Variants in GPHN observed in about 807,000 individuals in gnomAD.
GPHN encodes gephyrin.
A neutral mutation model predicts 95.5 loss-of-function variants in GPHN; 17 were observed. That is an observed-to-expected ratio of 0.18 (90% CI 0.12 to 0.27). GPHN has a LOEUF of 0.27. Ranked by LOEUF, GPHN falls within the 10% of genes least tolerant of loss-of-function variation. The pLI is 1.00. For missense variants in GPHN, 660 were observed against 978.1 expected (o/e 0.67, Z 4.34); for synonymous variants, 320 against 322.5 (o/e 0.99, Z 0.08).
At chr14:67,443,753 A>G in the GPHN span, among the ~76,000 whole-genome samples, 1 of 152,228 alleles carries the variant, frequency 6.6e-6, no homozygotes, top group Non-Finnish European at 1.5e-5. Context: ...TGGGCAACAT[A>G]GTGAGATAAC....
the GPHN span, among the ~76,000 whole-genome samples, chr14:67,187,314 C>T: frequency 6.6e-6 from 1 of 152,292 alleles, no homozygotes; most frequent in East Asian, 1.9e-4. Flanking sequence ...ACACTTGTTC[C>T]TCTGCCTGTA....
intron 9 of GPHN, among the ~76,000 whole-genome samples, chr14:66,992,324 A>G (rs2071488877): frequency 6.6e-6 from 1 of 152,178 alleles, no homozygotes; most frequent in South Asian, 2.1e-4. Flanking sequence ...ACAATTATCT[A>G]TAAGTACTTA....
At chr14:66,969,138 C>T (rs569362345) in intron 9 of GPHN, 1 of 151,980 alleles carries the variant, frequency 6.6e-6, no homozygotes, top group South Asian at 2.1e-4. Flanking sequence ...GAAATTATAT[C>T]GTATATAGGG....
At chr14:66,860,595 T>G (rs1317291914) in intron 4 of GPHN, among the ~76,000 whole-genome samples, 2 of 151,828 alleles carry the variant, frequency 1.3e-5, no homozygotes, top group African/African-American at 4.8e-5. Context: ...AACAGAATAT[T>G]TTAAGACTGT....
At chr14:67,649,513 T>C in the GPHN span, 4 of 152,104 alleles carry the variant, frequency 2.6e-5, no homozygotes, top group African/African-American at 9.7e-5. Flanking sequence ...ATAAGTCATG[T>C]ATATATTTCT....
the GPHN span, among the ~76,000 whole-genome samples, chr14:67,410,800 A>G: frequency 6.6e-6 from 1 of 152,124 alleles, no homozygotes; most frequent in South Asian, 2.1e-4. Context: ...CTGGATTTAT[A>G]TGTCTCTTTG....
At chr14:67,179,359 C>G (rs934656221) in intron 21 of GPHN, among the ~76,000 whole-genome samples, 18 of 152,116 alleles carry the variant, frequency 1.2e-4, no homozygotes, top group African/African-American at 4.3e-4. Flanking sequence ...GCACTCCAGC[C>G]TGGGTAACAG....
intron 9 of GPHN, among the ~76,000 whole-genome samples, chr14:66,990,390 G>A (rs1012289342): frequency 2.0e-5 from 3 of 152,144 alleles, no homozygotes; most frequent in African/African-American, 7.2e-5. Context: ...AGATGAAAGA[G>A]TCAGAACCAT....
chr14:66,766,861 C>A (rs2153455872), intron 2 of GPHN, among the ~76,000 whole-genome samples: 1 of 152,040 alleles, frequency 6.6e-6, no homozygotes, highest in East Asian at 1.9e-4. Context: ...ATTAATCTTG[C>A]CTCTGCTTCC....
the GPHN span, chr14:67,221,848 G>A: frequency 6.2e-7 from 1 of 1,607,034 alleles, no homozygotes; most frequent in Non-Finnish European, 8.5e-7. Flanking sequence ...TGTGATCCCT[G>A]GTATTCAGTA....
intron 8 of GPHN, among the ~76,000 whole-genome samples, chr14:66,959,873 T>G (rs1162234444): frequency 1.3e-5 from 2 of 152,090 alleles, no homozygotes; most frequent in East Asian, 3.8e-4. Flanking sequence ...CTCAGTGTGT[T>G]TGATGGTATT....
chr14:67,068,350 C>A (rs1456687552), intron 11 of GPHN, among the ~76,000 whole-genome samples: 1 of 152,236 alleles, frequency 6.6e-6, no homozygotes, highest in East Asian at 1.9e-4. Context: ...CAGCTCCTAT[C>A]TGCAAGTGAG....
chr14:67,697,125 TG>T, the GPHN span, among the ~76,000 whole-genome samples: 190 of 152,360 alleles, frequency 1.2e-3, no homozygotes, highest in Non-Finnish European at 2.3e-3. Context: ...GGCACTGTGC[TG>T]ATGTCCAGCA....
At chr14:66,922,602 C>T in intron 6 of GPHN, 64 bp from the exon 7 acceptor site, 1 of 1,295,018 alleles carries the variant, frequency 7.7e-7, no homozygotes, top group African/African-American at 1.5e-5. Flanking sequence ...AGTTTGATTG[C>T]CACCATCTTA....
chr14:67,620,108 A>G, the GPHN span: 1 of 1,543,698 alleles, frequency 6.5e-7, no homozygotes, highest in Non-Finnish European at 8.8e-7. Flanking sequence ...GGCACCTGGA[A>G]CCGCCGGGCA....
chr14:66,940,749 G>A lies in GPHN; in HGVS notation c.828+16457G>A, dbSNP rs557186451. ...CAGATCTAGTGTTCTTTCCTAGGGC[G>A]TTGACCCATAGCTTGGAGTTGAGTT... is the stretch of plus-strand genomic sequence containing the variant. On this transcript the variant is annotated intron_variant, in intron 8 of 22. Coordinates refer to ENST00000478722, the MANE Select transcript of GPHN (RefSeq NM_020806.5). Among the ~76,000 whole-genome samples, 10 of 152,194 alleles carry A rather than the reference G, an allele frequency of 6.6e-5. No homozygotes were observed. In the East Asian group the frequency reaches 1.5e-3, roughly 23 times the overall value.
At chr14:67,006,131 G>A (rs1037549825) in intron 9 of GPHN, among the ~76,000 whole-genome samples, 1 of 151,898 alleles carries the variant, frequency 6.6e-6, no homozygotes, top group African/African-American at 2.4e-5. Flanking sequence ...ATTTTACATC[G>A]TTGCAGAGCA....
chr14:66,890,068 A>G (rs763553977), intron 5 of GPHN, among the ~76,000 whole-genome samples: 66 of 152,170 alleles, frequency 4.3e-4, no homozygotes, highest in Non-Finnish European at 7.8e-4. Flanking sequence ...TCACAAAGAA[A>G]TAGAAAATCT....
At chr14:67,491,276 T>C in the GPHN span, among the ~76,000 whole-genome samples, 1 of 152,186 alleles carries the variant, frequency 6.6e-6, no homozygotes, top group Non-Finnish European at 1.5e-5. Flanking sequence ...CACCGCCACA[T>C]GTTCAGCCAC....
Sources: gnomAD v4.1 joint callset for allele counts (sites outside exome capture counted in the v4.1 genomes callset) on GRCh38, gnomAD v4.1.1 for gene constraint, MANE v1.5 for transcripts, NCBI Gene and HGNC (gene_info 2026-07-23, HGNC 2026-07-21) for gene names.